Variants in ENTREP2 observed in about 807,000 individuals in gnomAD.
The protein encoded by ENTREP2 is protein ENTREP2.
At chr15:29,607,833 C>CAGAT in the ENTREP2 span, among the ~76,000 whole-genome samples, 12 of 106,636 alleles carry the variant, frequency 1.1e-4, no homozygotes, top group African/African-American at 6.0e-4. Context: ...GATAGACAGA[C>CAGAT]AGACAGACAG....
the ENTREP2 span, among the ~76,000 whole-genome samples, chr15:29,667,682 GAC>G: frequency 2.0e-5 from 3 of 151,826 alleles, no homozygotes; most frequent in African/African-American, 7.3e-5. Context: ...TTTAAGTAGA[GAC>G]AAGGTTTCAC....
chr15:29,608,709 G>C, the ENTREP2 span, among the ~76,000 whole-genome samples: 1 of 151,850 alleles, frequency 6.6e-6, no homozygotes, highest in Admixed American at 6.6e-5. Context: ...TGGGACTACA[G>C]GCACCTGCCA....
the ENTREP2 span, chr15:29,195,252 C>T: frequency 8.1e-6 from 8 of 985,344 alleles, no homozygotes; most frequent in Non-Finnish European, 9.6e-6. Context: ...CGCTGTGAGC[C>T]AGGCGTAGTC....
chr15:29,268,654 A>C, the ENTREP2 span: 5 of 748,144 alleles, frequency 6.7e-6, no homozygotes, highest in African/African-American at 8.9e-5. Context: ...AAAACTTTGC[A>C]AACACATCCT....
chr15:29,490,380 C>T, the ENTREP2 span, among the ~76,000 whole-genome samples: 2 of 152,176 alleles, frequency 1.3e-5, no homozygotes, highest in African/African-American at 2.4e-5. Context: ...AGAACAAAAC[C>T]TCCACAACAT....
the ENTREP2 span, among the ~76,000 whole-genome samples, chr15:29,638,215 A>G: frequency 1.3e-5 from 2 of 152,224 alleles, no homozygotes; most frequent in Non-Finnish European, 2.9e-5. Flanking sequence ...CAGGCAGCCC[A>G]GAGTGCCTGC....
At chr15:29,219,972 G>T in the ENTREP2 span, among the ~76,000 whole-genome samples, 3 of 151,850 alleles carry the variant, frequency 2.0e-5, no homozygotes, top group East Asian at 5.8e-4. Context: ...AAGATCCTAC[G>T]CATGCAACCA....
the ENTREP2 span, among the ~76,000 whole-genome samples, chr15:29,605,560 G>A: frequency 6.6e-6 from 1 of 152,026 alleles, no homozygotes; most frequent in African/African-American, 2.4e-5. Flanking sequence ...TTCAGGGCAG[G>A]GCATGGTAGC....
At chr15:29,374,924 C>A in the ENTREP2 span, 49 of 152,198 alleles carry the variant, frequency 3.2e-4, no homozygotes, top group Non-Finnish European at 5.1e-4. Flanking sequence ...AGAAGTTCAA[C>A]TGGGTTTTTT....
At chr15:29,126,657 G>A in the ENTREP2 span, among the ~76,000 whole-genome samples, 3 of 152,210 alleles carry the variant, frequency 2.0e-5, no homozygotes, top group South Asian at 4.1e-4. Context: ...AAAGTTGGGG[G>A]CACCAGATGA....
the ENTREP2 span, among the ~76,000 whole-genome samples, chr15:29,489,866 G>A: frequency 2.3e-3 from 343 of 152,294 alleles, 1 homozygote; most frequent in African/African-American, 7.7e-3. Context: ...TGCTGACACA[G>A]GTCTCGAGAT....
At chr15:29,545,023 A>G in the ENTREP2 span, among the ~76,000 whole-genome samples, 7 of 152,210 alleles carry the variant, frequency 4.6e-5, no homozygotes, top group Non-Finnish European at 7.3e-5. Context: ...GAGACTGCAC[A>G]CTACTGTGTG....
chr15:29,373,709 T>G, the ENTREP2 span: 2 of 152,244 alleles, frequency 1.3e-5, no homozygotes, highest in African/African-American at 4.8e-5. Flanking sequence ...ATATAATTGT[T>G]TGGATTTAAA....
chr15:29,306,664 A>ATTTTTTTTTT, the ENTREP2 span, among the ~76,000 whole-genome samples: 75 of 77,338 alleles, frequency 9.7e-4, 9 homozygotes, highest in Non-Finnish European at 1.8e-3. Context: ...ATAATTGGTA[A>ATTTTTTTTTT]TTTTTTTTTT....
chr15:29,131,598 CT>C, the ENTREP2 span, among the ~76,000 whole-genome samples: 5 of 124,128 alleles, frequency 4.0e-5, no homozygotes, highest in East Asian at 2.2e-4. Flanking sequence ...CCTCCCCCTC[CT>C]TCACACACCC....
At chr15:29,630,256 ATTCT>A in the ENTREP2 span, among the ~76,000 whole-genome samples, 9 of 152,204 alleles carry the variant, frequency 5.9e-5, no homozygotes, top group Non-Finnish European at 4.4e-5. Context: ...AGGGTTTATA[ATTCT>A]TTATTTTTCA....
chr15:29,207,224 C>T, the ENTREP2 span, among the ~76,000 whole-genome samples: 1 of 152,126 alleles, frequency 6.6e-6, no homozygotes, highest in Non-Finnish European at 1.5e-5. Context: ...CCCTGTGCTA[C>T]ACACTAGGCG....
At chr15:29,207,718 C>A in the ENTREP2 span, among the ~76,000 whole-genome samples, 2 of 152,154 alleles carry the variant, frequency 1.3e-5, no homozygotes, top group Admixed American at 1.3e-4. Context: ...CCACTCCACC[C>A]AGGAAGTCCA....
the ENTREP2 span, among the ~76,000 whole-genome samples, chr15:29,554,309 C>T: frequency 1.0e-4 from 14 of 138,412 alleles, no homozygotes; most frequent in African/African-American, 3.3e-4. Context: ...AGCGAGACTC[C>T]GTCTCAAAAA....
Sources: gnomAD v4.1 joint callset for allele counts (sites outside exome capture counted in the v4.1 genomes callset) on GRCh38, gnomAD v4.1.1 for gene constraint, MANE v1.5 for transcripts, NCBI Gene and HGNC (gene_info 2026-07-23, HGNC 2026-07-21) for gene names.